Variants in USP47 observed in about 807,000 individuals in gnomAD.
USP47 encodes the protein ubiquitin carboxyl-terminal hydrolase 47.
A neutral mutation model predicts 165.1 loss-of-function variants in USP47; 35 were observed. The ratio of observed to expected loss-of-function variants is 0.21; its 90% confidence interval spans 0.16 to 0.28. USP47 has a LOEUF of 0.28. Among genes scored for constraint, USP47 ranks in the 10% least tolerant of loss-of-function variants. The probability of loss-of-function intolerance (pLI) is 1.00; values close to 1 mark genes in which losing one functional copy is unlikely to be tolerated. For missense variants in USP47, 1,277 were observed against 1,607.4 expected, an observed-to-expected ratio of 0.79 and a Z score of 3.52; for synonymous variants, 531 against 544.5, an observed-to-expected ratio of 0.98 and a Z score of 0.35.
At position 11,952,914 on chromosome 11, in the gene USP47, G is replaced by A. The variant is rs764147941; in HGVS notation, c.3714+43G>A. The A allele has an allele frequency of 2.5e-5, 34 of 1,335,232 alleles. 2 individuals are homozygous for A. The Middle Eastern group carries it at 3.0e-3, about 120-fold the overall frequency. 82.7% of individuals were successfully genotyped at this position (1,335,232 alleles called of 1,614,324 possible). On this transcript the variant is annotated intron_variant, in intron 25 of 27. Coordinates refer to ENST00000527733, the MANE Select transcript of USP47 (RefSeq NM_001282659.2). Reference sequence around the variant, plus strand: ...AAAACATGTATCTTATGTTGTATATGTATATCATAATATTAATAAAATATA... The same window carrying A: ...AAAACATGTATCTTATGTTGTATATATATATCATAATATTAATAAAATATA...
Position 11,942,416 on chromosome 11 carries a change from G to T in USP47, c.2395G>T (p.Ala799Ser). The T allele has an allele frequency of 6.2e-7, 1 of 1,613,482 alleles. No individual in the cohort carries two copies. The highest frequency in any genetic ancestry group is 8.5e-7 in the Non-Finnish European group (1 of 1,179,654). The change falls in exon 20 of 28, where the codon GCA becomes TCA. Residue 799 changes from alanine (A) to serine (S), a missense_variant. Ala to Ser is a moderately conservative substitution (Grantham distance 99). Transcript: ENST00000527733. ...TTTATGGAAACTCCTGGATCGGCAT[G>T]CAAATACAATCAGATTATTTGTTTT... ...SHLWKLLDRHANTIRLFVLLP... is the reference protein window; with the variant it reads ...SHLWKLLDRHSNTIRLFVLLP...
At chr11:11,935,570 A>G (rs986408236) in intron 16 of USP47, among the ~76,000 whole-genome samples, 2 of 151,934 alleles carry the variant, frequency 1.3e-5, no homozygotes, top group Middle Eastern at 3.2e-3. Context: ...GTAGAGATCA[A>G]TGGGGATACG....
chr11:11,855,035 C>T (rs1848954875), intron 1 of USP47, among the ~76,000 whole-genome samples: 1 of 151,066 alleles, frequency 6.6e-6, no homozygotes, highest in African/African-American at 2.4e-5. Context: ...GCGGAGTTTG[C>T]AGTGAGTGGA....
At chr11:11,902,100 A>T (rs769193339) in intron 5 of USP47, among the ~76,000 whole-genome samples, 1 of 152,148 alleles carries the variant, frequency 6.6e-6, no homozygotes, top group Non-Finnish European at 1.5e-5. Flanking sequence ...GCATACCTCC[A>T]TCATATCATC....
At chr11:11,932,374 T>A (rs1316012075) in intron 14 of USP47, among the ~76,000 whole-genome samples, 1 of 152,146 alleles carries the variant, frequency 6.6e-6, no homozygotes, top group East Asian at 1.9e-4. Context: ...TAATCATCAC[T>A]TTTTGTATTC....
Position 11,929,509 on chromosome 11 carries a change from A to G in USP47, c.1462A>G (p.Ile488Val), listed in dbSNP as rs762868889. Residue 488 changes from isoleucine to valine, a missense_variant, in exon 12 of 28, where the codon ATA becomes GTA. Ile to Val is a conservative substitution (Grantham distance 29, BLOSUM62 3). Transcript: ENST00000527733. ...SAAGGHYYAC[I>V]KSFSDEQWYS... is the part of the protein sequence containing the mutation. ...TGCTGGTGGTCATTATTATGCATGTATAAAGTCATTCAGTGATGAGCAGTG... is the reference window on the plus strand; with the variant it reads ...TGCTGGTGGTCATTATTATGCATGTGTAAAGTCATTCAGTGATGAGCAGTG... 3 of 1,613,340 alleles carry G rather than the reference A, an allele frequency of 1.9e-6. No individual in the cohort carries two copies. The highest frequency in any genetic ancestry group is 2.5e-6 in the Non-Finnish European group (3 of 1,179,452).
At chr11:11,899,787 G>A (rs1852080855) in intron 5 of USP47, among the ~76,000 whole-genome samples, 1 of 152,098 alleles carries the variant, frequency 6.6e-6, no homozygotes, top group Admixed American at 6.5e-5. Flanking sequence ...AAACAGAAAG[G>A]AAGGCCTTGA....
chr11:11,860,091 G>GAAA (rs71037045), intron 1 of USP47, among the ~76,000 whole-genome samples: 1 of 137,598 alleles, frequency 7.3e-6, no homozygotes, highest in African/African-American at 2.7e-5. Context: ...GCAACAGAAG[G>GAAA]AAAAAAAAAA....
intron 1 of USP47, among the ~76,000 whole-genome samples, chr11:11,850,860 G>C (rs1848686649): frequency 6.6e-6 from 1 of 152,198 alleles, no homozygotes; most frequent in Non-Finnish European, 1.5e-5. Flanking sequence ...CCTGCTTTCT[G>C]GTTCACAGAG....
chr11:11,949,591 A>G (rs2134860712), intron 22 of USP47, among the ~76,000 whole-genome samples: 1 of 152,266 alleles, frequency 6.6e-6, no homozygotes, highest in Admixed American at 6.5e-5. Flanking sequence ...TTTCAAAATT[A>G]TAACTGTTAA....
Position 11,942,601 on chromosome 11 carries a change from C to G in USP47, c.2580C>G (p.Leu860=), listed in dbSNP as rs1438485561. 2 of 1,613,458 alleles carry G rather than the reference C, an allele frequency of 1.2e-6. No individual in the cohort carries two copies. Among genetic ancestry groups the G allele is most frequent in the Non-Finnish European group, 1.7e-6 (2 of 1,179,734 alleles). ...EAILEESTEK[L]KSLSLQQQQD... ...TTCTAGAAGAAAGCACTGAAAAACTCAAAAGCTTGTCACTGCAGCAACAGC... is the reference window on the plus strand; with the variant it reads ...TTCTAGAAGAAAGCACTGAAAAACTGAAAAGCTTGTCACTGCAGCAACAGC... The change falls in exon 20 of 28, where the codon CTC becomes CTG. Residue 860 remains leucine (L), a synonymous_variant. Transcript: ENST00000527733.
At chr11:11,905,343 A>G (rs1354266387) in intron 7 of USP47, 56 bp from the exon 8 acceptor site, 3 of 1,343,642 alleles carry the variant, frequency 2.2e-6, no homozygotes, top group Non-Finnish European at 3.0e-6. Context: ...AGAATGTTAC[A>G]TGTTTTAAAG....
At chr11:11,917,011 G>T (rs1002935154) in intron 8 of USP47, among the ~76,000 whole-genome samples, 1 of 145,346 alleles carries the variant, frequency 6.9e-6, no homozygotes, top group Admixed American at 6.6e-5. Context: ...TCAGTTATCA[G>T]TTGTGGTGGA....
chr11:11,919,199 GAT>G (rs917736698), intron 8 of USP47, among the ~76,000 whole-genome samples: 11 of 151,904 alleles, frequency 7.2e-5, no homozygotes, highest in African/African-American at 2.7e-4. Flanking sequence ...AGCTTTGCCA[GAT>G]ATTTTGCAAC....
intron 1 of USP47, among the ~76,000 whole-genome samples, chr11:11,869,126 C>T (rs951515006): frequency 6.6e-6 from 1 of 152,016 alleles, no homozygotes; most frequent in African/African-American, 2.4e-5. Context: ...TGATGAAGTC[C>T]AGTTTATCAA....
At chr11:11,885,996 C>G (rs1297647125) in intron 3 of USP47, among the ~76,000 whole-genome samples, 2 of 152,106 alleles carry the variant, frequency 1.3e-5, no homozygotes, top group African/African-American at 4.8e-5. Flanking sequence ...TGCAGCAGCC[C>G]TATGGAAGAG....
At chr11:11,864,403 G>A (rs1849555601) in intron 1 of USP47, among the ~76,000 whole-genome samples, 1 of 151,994 alleles carries the variant, frequency 6.6e-6, no homozygotes, top group South Asian at 2.1e-4. Context: ...TGTCTTAACT[G>A]TCTTTAAGTA....
chr11:11,849,201 C>A (rs1465631280), intron 1 of USP47, among the ~76,000 whole-genome samples: 1 of 152,212 alleles, frequency 6.6e-6, no homozygotes, highest in Non-Finnish European at 1.5e-5. Flanking sequence ...CCATGCCCAG[C>A]CTGTATACAT....
intron 8 of USP47, among the ~76,000 whole-genome samples, chr11:11,918,717 A>T (rs1438400968): frequency 6.6e-6 from 1 of 151,984 alleles, no homozygotes; most frequent in Non-Finnish European, 1.5e-5. Flanking sequence ...ATCTCTAGGT[A>T]TTAACTATAA....
Sources: gnomAD v4.1 joint callset for allele counts (sites outside exome capture counted in the v4.1 genomes callset) on GRCh38, gnomAD v4.1.1 for gene constraint, MANE v1.5 for transcripts, NCBI Gene and HGNC (gene_info 2026-07-23, HGNC 2026-07-21) for gene names.